The following PTPRA variants were observed in gnomAD, a reference collection of about 807,000 sequenced individuals.
PTPRA encodes protein tyrosine phosphatase receptor type A, also known as receptor-type tyrosine-protein phosphatase alpha.
Under a neutral mutation model 104.8 loss-of-function variants are expected in PTPRA, and 25 were observed. The observed-to-expected ratio is 0.24, with a 90% CI of 0.17 to 0.33. The LOEUF is 0.33. Among genes scored for constraint, PTPRA ranks in the 10% least tolerant of loss-of-function variants. The pLI, the probability that PTPRA is intolerant of heterozygous loss-of-function variation, is 1.00. For missense variants in PTPRA, 765 were observed against 1,015.3 expected (o/e 0.75, Z 3.35); for synonymous variants, 323 against 368.9 (o/e 0.88, Z 1.43).
intron 2 of PTPRA, among the ~76,000 whole-genome samples, chr20:2,927,200 C>A (rs1425008964): frequency 3.3e-5 from 5 of 152,080 alleles, no homozygotes; most frequent in African/African-American, 1.2e-4. Flanking sequence ...GAGTGCCGCG[C>A]CCACTTAATA....
chr20:3,010,668 G>A (rs1173948813), intron 11 of PTPRA, among the ~76,000 whole-genome samples: 2 of 152,066 alleles, frequency 1.3e-5, no homozygotes, highest in Non-Finnish European at 2.9e-5. Context: ...AATAAACACA[G>A]CATCCAGCAC....
chr20:2,986,937 G>C (rs1422413347), intron 7 of PTPRA, 88 bp downstream of exon 7: 1 of 1,170,018 alleles, frequency 8.5e-7, no homozygotes, highest in African/African-American at 1.5e-5. Context: ...TAGACAGTAG[G>C]ATATACACAA....
intron 20 of PTPRA, among the ~76,000 whole-genome samples, chr20:3,032,634 T>C (rs1332752174): frequency 1.3e-5 from 2 of 151,564 alleles, no homozygotes; most frequent in African/African-American, 4.9e-5. Context: ...GGCGCGATGG[T>C]GCATGCCTGT....
At chr20:3,020,381 A>T (rs2064804332) in intron 13 of PTPRA, among the ~76,000 whole-genome samples, 6 of 151,928 alleles carry the variant, frequency 3.9e-5, no homozygotes, top group Admixed American at 3.9e-4. Flanking sequence ...TATAGGCGTG[A>T]GCCACCACGC....
At chr20:2,957,541 T>C (rs1311402036) in intron 3 of PTPRA, among the ~76,000 whole-genome samples, 1 of 152,176 alleles carries the variant, frequency 6.6e-6, no homozygotes, top group Non-Finnish European at 1.5e-5. Context: ...AGCTGAAGGA[T>C]TGATGTAGAT....
chr20:2,926,857 C>T (rs2060318845), intron 2 of PTPRA, among the ~76,000 whole-genome samples: 1 of 129,262 alleles, frequency 7.7e-6, no homozygotes, highest in Admixed American at 9.7e-5. Flanking sequence ...GTGGTGTGAT[C>T]TTGGCTCACT....
chr20:3,003,059 A>G (rs532324735), intron 9 of PTPRA, among the ~76,000 whole-genome samples: 3 of 152,248 alleles, frequency 2.0e-5, no homozygotes, highest in East Asian at 1.9e-4. Flanking sequence ...CTGTAATCCA[A>G]ATTTGGTGCT....
At chr20:2,944,949 C>T (rs1206624497) in intron 2 of PTPRA, among the ~76,000 whole-genome samples, 1 of 152,122 alleles carries the variant, frequency 6.6e-6, no homozygotes, top group African/African-American at 2.4e-5. Flanking sequence ...TTCTTCTGTT[C>T]CATTTCTCCC....
At chr20:2,934,120 T>G (rs890635959) in intron 2 of PTPRA, among the ~76,000 whole-genome samples, 1 of 152,180 alleles carries the variant, frequency 6.6e-6, no homozygotes, top group Non-Finnish European at 1.5e-5. Flanking sequence ...ATGAAAATTT[T>G]CTGCGGATTC....
In PTPRA at chr20:3,035,866, G is replaced by T; in HGVS notation, c.2123G>T (p.Gly708Val). 2 of 1,614,160 alleles carry T rather than the reference G, an allele frequency of 1.2e-6. No individual in the cohort carries two copies. Among genetic ancestry groups the T allele is most frequent in the Non-Finnish European group, 1.7e-6 (2 of 1,180,052 alleles). Residue 708 changes from glycine (G) to valine (V), a missense_variant, in exon 22 of 24, where the codon GGC (glycine) becomes GTC (valine). Around this residue, in one of 4 missense-constraint regions of PTPRA, gnomAD observed 72 missense variants for 140.7 expected, o/e 0.51. Transcript: ENST00000399903. The surrounding 1 kb of genome is among the most constrained non-coding windows in gnomAD (Gnocchi z 5.8). ...GTGGGCATCCCCAGTGACGGAAAGG[G>T]CATGATCAGCATCATCGCCGCCGTG... ...PEVGIPSDGK[G>V]MISIIAAVQK...
intron 2 of PTPRA, among the ~76,000 whole-genome samples, chr20:2,944,388 A>G (rs755390667): frequency 2.0e-5 from 3 of 152,040 alleles, no homozygotes; most frequent in Admixed American, 6.6e-5. Context: ...GTAATCATCT[A>G]ATGGTTCATC....
intron 1 of PTPRA, among the ~76,000 whole-genome samples, chr20:2,919,517 C>G (rs2060027252): frequency 6.6e-6 from 1 of 152,122 alleles, no homozygotes; most frequent in Non-Finnish European, 1.5e-5. Flanking sequence ...TGGATATTAT[C>G]AAGACACAGT....
rs181056132 is a variant in PTPRA, at chr20:2,968,508, T to C, written c.415+3306T>C. Among the ~76,000 whole-genome samples, 151 of 90,328 alleles carry C rather than the reference T, an allele frequency of 1.7e-3. 1 individual carries two copies. The African/African-American group carries it at 0.02, about 12-fold the overall frequency. 59.3% of individuals were successfully genotyped at this position (90,328 alleles called of 152,430 possible). Reference sequence around the variant, plus strand: ...TTCTCCCCCTCTTCCTTTTTTTTTTTTCTCAAATTCTTAATATTTGGATAT... The same window carrying C: ...TTCTCCCCCTCTTCCTTTTTTTTTTCTCTCAAATTCTTAATATTTGGATAT... On this transcript the variant is annotated intron_variant, in intron 5 of 23. Coordinates refer to ENST00000399903, the MANE Select transcript of PTPRA (RefSeq NM_001385305.1).
At chr20:2,988,901 G>T (rs543451858) in intron 9 of PTPRA, among the ~76,000 whole-genome samples, 1 of 152,192 alleles carries the variant, frequency 6.6e-6, no homozygotes, top group Non-Finnish European at 1.5e-5. Flanking sequence ...TGAAGGACTG[G>T]TGCATATTTG....
At chr20:2,987,934 G>C (rs376045819) in intron 7 of PTPRA, 98 bp from the exon 8 acceptor site, 1 of 1,173,798 alleles carries the variant, frequency 8.5e-7, no homozygotes, top group Non-Finnish European at 1.3e-6. Context: ...TTTTAAAGGC[G>C]ATTTAGAAAG....
chr20:2,936,982 T>TTA (rs1044518450), intron 2 of PTPRA, among the ~76,000 whole-genome samples: 4 of 152,142 alleles, frequency 2.6e-5, no homozygotes, highest in African/African-American at 7.2e-5. Flanking sequence ...GTGTATCTCT[T>TTA]TATAAAGTTT....
At chr20:2,997,265 G>T (rs2063437417) in intron 9 of PTPRA, among the ~76,000 whole-genome samples, 1 of 152,106 alleles carries the variant, frequency 6.6e-6, no homozygotes, top group Non-Finnish European at 1.5e-5. Flanking sequence ...AAGGGGGCTG[G>T]AAGAGAGGAG....
At chr20:2,879,618 G>A (rs1275898633) in intron 1 of PTPRA, among the ~76,000 whole-genome samples, 1 of 152,144 alleles carries the variant, frequency 6.6e-6, no homozygotes, top group Non-Finnish European at 1.5e-5. Context: ...CTGAGAATGT[G>A]TATACAGTCA....
At chr20:2,955,248 A>C (rs1451249587) in intron 3 of PTPRA, among the ~76,000 whole-genome samples, 1 of 152,228 alleles carries the variant, frequency 6.6e-6, no homozygotes, top group African/African-American at 2.4e-5. Context: ...AGAACAAATA[A>C]ATTTTCATAT....
Sources: allele counts gnomAD v4.1 joint callset (sites outside exome capture counted in the v4.1 genomes callset), GRCh38; gene constraint gnomAD v4.1.1; regional missense constraint gnomAD v4.1.1; non-coding constraint Gnocchi (gnomAD v3.1); transcripts MANE v1.5; gene names NCBI Gene and HGNC (gene_info 2026-07-23, HGNC 2026-07-21).